ZNF578: variants seen among roughly 807,000 people sequenced by gnomAD.
ZNF578 encodes zinc finger protein 578.
Under a neutral mutation model 8.3 loss-of-function variants are expected in ZNF578, and 8 were observed. The observed-to-expected ratio is 0.96, with a 90% CI of 0.56 to 1.74. The LOEUF is 1.74. ZNF578 is among the 40% of genes most tolerant of loss of function. ZNF578 has a pLI of 0.00. For missense variants in ZNF578, 726 were observed against 707.5 expected, an observed-to-expected ratio of 1.03 and a Z score of -0.30; for synonymous variants, 206 against 232.2, an observed-to-expected ratio of 0.89 and a Z score of 1.03.
chr19:52,486,471 AAAGT>A (rs2059346248), intron 2 of ZNF578, among the ~76,000 whole-genome samples: 1 of 152,176 alleles, frequency 6.6e-6, no homozygotes. Context: ...AACACAGAAA[AAAGT>A]AAGAAAGCAG....
At position 52,501,016 on chromosome 19, in the gene ZNF578, T is replaced by C. The variant is rs558813459; in HGVS notation, c.-19-811T>C. Among the ~76,000 whole-genome samples the C allele has an allele frequency of 3.3e-5, 5 of 152,078 alleles. No individual in the cohort carries two copies. The East Asian group carries it at 5.8e-4, about 18-fold the overall frequency. On this transcript the variant is annotated intron_variant, in intron 3 of 5. Coordinates refer to ENST00000421239, the MANE Select transcript of ZNF578 (RefSeq NM_001099694.2). ...GCCTCAGCCTCCTGAATAGCTGGGA[T>C]TATGGGCACCCGCTACCATGCCCAG...
At chr19:52,495,205 C>T (rs572484515) in intron 3 of ZNF578, among the ~76,000 whole-genome samples, 5 of 133,310 alleles carry the variant, frequency 3.8e-5, no homozygotes, top group African/African-American at 1.4e-4. Flanking sequence ...ACTCCTGTTG[C>T]CCAGGCTGGA....
At chr19:52,495,375 A>G (rs978452963) in intron 3 of ZNF578, among the ~76,000 whole-genome samples, 3 of 146,974 alleles carry the variant, frequency 2.0e-5, no homozygotes, top group Non-Finnish European at 4.6e-5. Context: ...ACTTGAACCC[A>G]GGAGGCAGAG....
intron 2 of ZNF578, among the ~76,000 whole-genome samples, chr19:52,465,707 A>G (rs1461767542): frequency 6.6e-6 from 1 of 152,124 alleles, no homozygotes; most frequent in African/African-American, 2.4e-5. Context: ...CTTTTACCCC[A>G]CTATGCTTCA....
intron 2 of ZNF578, among the ~76,000 whole-genome samples, chr19:52,469,015 C>A (rs982498007): frequency 6.6e-6 from 1 of 152,168 alleles, no homozygotes; most frequent in Non-Finnish European, 1.5e-5. Context: ...CTCCAGCTTG[C>A]ATACAGCCTA....
At position 52,515,970 on chromosome 19, in the gene ZNF578, C is replaced by T. The variant is rs112798664; in HGVS notation, c.*3816C>T. ...GTGTTCCCCAGGACAAAAGCCCAACCCCTCACTGTGGCTCCACAGCCCCGT... is the reference window on the plus strand; with the variant it reads ...GTGTTCCCCAGGACAAAAGCCCAACTCCTCACTGTGGCTCCACAGCCCCGT... On this transcript the variant is annotated 3_prime_UTR_variant, in exon 6 of 6. Coordinates refer to ENST00000421239, the MANE Select transcript of ZNF578 (RefSeq NM_001099694.2). Among the ~76,000 whole-genome samples the T allele has an allele frequency of 0.031, 4,793 of 152,162 alleles. 225 individuals are homozygous for T. The highest frequency in any genetic ancestry group is 0.11 in the African/African-American group (4,403 of 41,450).
chr19:52,481,767 A>G (rs1251804252), intron 2 of ZNF578, among the ~76,000 whole-genome samples: 4 of 152,240 alleles, frequency 2.6e-5, no homozygotes, highest in Non-Finnish European at 4.4e-5. Context: ...GGCCTGCTCT[A>G]TCTCCCAGGC....
At chr19:52,474,219 C>A (rs964943093) in intron 2 of ZNF578, 6 of 304,470 alleles carry the variant, frequency 2.0e-5, no homozygotes, top group African/African-American at 8.8e-5. Context: ...AATGCTTTGC[C>A]ACATTCAATA....
intron 1 of ZNF578, chr19:52,454,324 C>T (rs1446147282): frequency 6.6e-6 from 1 of 152,228 alleles, no homozygotes; most frequent in Non-Finnish European, 1.5e-5. Context: ...AGTTCTCTAT[C>T]AGACATCAAC....
chr19:52,490,065 G>GC (rs1302429281), intron 2 of ZNF578, among the ~76,000 whole-genome samples: 2 of 152,188 alleles, frequency 1.3e-5, no homozygotes, highest in African/African-American at 4.8e-5. Context: ...CAGGGAGCCT[G>GC]CATCAGGTTT....
At chr19:52,467,569 C>A (rs2059279347) in intron 2 of ZNF578, among the ~76,000 whole-genome samples, 1 of 151,844 alleles carries the variant, frequency 6.6e-6, no homozygotes, top group East Asian at 1.9e-4. Flanking sequence ...TGAGCATGAT[C>A]AAACCACTGC....
rs868403995 is a variant in ZNF578 at position 52,485,636 on chromosome 19, C to T, written c.-121-5688C>T. On this transcript the variant is annotated intron_variant, in intron 2 of 5. Coordinates refer to ENST00000421239, the MANE Select transcript of ZNF578 (RefSeq NM_001099694.2). The stretch of plus-strand genomic sequence containing the variant: ...TTGTTCTGTACTAAGAAAAATTCTT[C>T]TGCCTTGAGATGCTGTTAATCTGTA... 4.6e-4 allele frequency among the ~76,000 whole-genome samples: 70 copies of T among 152,324 alleles called. No homozygotes were observed. The Middle Eastern group carries it at 0.014, about 30-fold the overall frequency.
intron 2 of ZNF578, among the ~76,000 whole-genome samples, chr19:52,461,847 G>T (rs76226302): frequency 1.3e-5 from 2 of 152,126 alleles, no homozygotes; most frequent in African/African-American, 4.8e-5. Context: ...ATAGTTCAGG[G>T]TGTTCAGGGC....
Position 52,515,860 on chromosome 19 carries a change from A to G in ZNF578, c.*3706A>G, listed in dbSNP as rs1050096954. On this transcript the variant is annotated 3_prime_UTR_variant, in exon 6 of 6. Coordinates refer to ENST00000421239, the MANE Select transcript of ZNF578 (RefSeq NM_001099694.2). Reference sequence around the variant, plus strand: ...GACTCAGACACAGAGACCATCTTCAAGGCCTTTCTCTGTATGAGGACATCA... The same window carrying G: ...GACTCAGACACAGAGACCATCTTCAGGGCCTTTCTCTGTATGAGGACATCA... Among the ~76,000 whole-genome samples, 4 of 152,150 alleles carry G rather than the reference A, an allele frequency of 2.6e-5. 1 individual carries two copies. Among genetic ancestry groups the G allele is most frequent in the African/African-American group, 7.2e-5 (3 of 41,430 alleles).
chr19:52,454,524 T>C (rs1011746338), intron 1 of ZNF578: 1 of 152,248 alleles, frequency 6.6e-6, no homozygotes, highest in African/African-American at 2.4e-5. Flanking sequence ...TCAGTATTTA[T>C]TAATTTGCCA....
intron 2 of ZNF578, among the ~76,000 whole-genome samples, chr19:52,463,157 A>G (rs533072191): frequency 2.0e-5 from 3 of 152,220 alleles, no homozygotes; most frequent in African/African-American, 7.2e-5. Flanking sequence ...ATTATAGGGG[A>G]TACTTGTACT....
intron 3 of ZNF578, among the ~76,000 whole-genome samples, chr19:52,497,599 C>A (rs1435969426): frequency 6.6e-6 from 1 of 152,122 alleles, no homozygotes; most frequent in Non-Finnish European, 1.5e-5. Context: ...ATTTTTTGAA[C>A]ATTTTAAAAT....
At chr19:52,500,408 C>CTTT (rs71180471) in intron 3 of ZNF578, among the ~76,000 whole-genome samples, 19 of 138,882 alleles carry the variant, frequency 1.4e-4, no homozygotes, top group Admixed American at 9.4e-4. Context: ...TTTGAGTTTC[C>CTTT]TTTTTTTTTT....
intron 3 of ZNF578, among the ~76,000 whole-genome samples, chr19:52,491,796 C>A (rs950553704): frequency 2.0e-5 from 3 of 151,990 alleles, no homozygotes; most frequent in African/African-American, 7.3e-5. Flanking sequence ...AACTGGATAT[C>A]CACATGGAAA....
Sources: gnomAD v4.1 joint callset for allele counts (sites outside exome capture counted in the v4.1 genomes callset) on GRCh38, gnomAD v4.1.1 for gene constraint, MANE v1.5 for transcripts, NCBI Gene and HGNC (gene_info 2026-07-23, HGNC 2026-07-21) for gene names.